Variants in PCYT1B observed in about 807,000 individuals in gnomAD.
PCYT1B encodes the protein choline-phosphate cytidylyltransferase B.
A neutral mutation model predicts 26.4 loss-of-function variants in PCYT1B; 10 were observed. That is an observed-to-expected ratio of 0.38 (90% CI 0.23 to 0.64). PCYT1B has a LOEUF of 0.64. PCYT1B is among the 30% of genes least tolerant of loss of function. The probability of loss-of-function intolerance (pLI) is 0.56; values close to 1 mark genes in which losing one functional copy is unlikely to be tolerated. For synonymous variants in PCYT1B, 131 were observed against 108.4 expected (o/e 1.21, Z -1.29); for missense variants, 161 against 292.7 (o/e 0.55, Z 3.28).
At position 24,663,905 on chromosome X, in the gene PCYT1B, C is replaced by T. The variant is rs151049935; in HGVS notation, c.63+8665G>A. Among the ~76,000 whole-genome samples, 157 of 109,252 alleles carry T rather than the reference C, an allele frequency of 1.4e-3. 1 individual carries two copies. The highest frequency in any genetic ancestry group is 2.3e-3 in the Non-Finnish European group (124 of 52,882). The allele number at this position is 109,252 out of a possible 115,157, so 94.9% of individuals were successfully genotyped here. A position where few individuals can be genotyped will look rare whatever the true frequency, so the allele number is the denominator to read the frequency against. On this transcript the variant is annotated intron_variant, in intron 1 of 7. Transcript: ENST00000379145. ...CTGCACTCCAGCCTGGGTGACAGAG[C>T]GAGATTCCGTCTCAAAAACAAAACA...
At chrX:24,671,108 C>T (rs1276032888) in intron 1 of PCYT1B, among the ~76,000 whole-genome samples, 1 of 110,272 alleles carries the variant, frequency 9.1e-6, no homozygotes, top group Non-Finnish European at 1.9e-5. Flanking sequence ...GCTGGGATTA[C>T]AGGTGCCCAC....
intron 5 of PCYT1B, among the ~76,000 whole-genome samples, chrX:24,585,847 T>C (rs1924354580): frequency 2.7e-5 from 3 of 110,885 alleles, no homozygotes; most frequent in Admixed American, 1.9e-4. Context: ...AAACCACTTA[T>C]GGCCCCCCAG....
intron 7 of PCYT1B, among the ~76,000 whole-genome samples, chrX:24,567,669 G>A (rs1419519317): frequency 9.0e-6 from 1 of 111,662 alleles, no homozygotes; most frequent in Non-Finnish European, 1.9e-5. Flanking sequence ...ACTTAACATC[G>A]GCCGGGTGCG....
rs1555958090 is a variant in PCYT1B at position 24,593,441 on chromosome X, C to CTTTTCTTTTCT, written c.335-3268_335-3267insAGAAAAGAAAA. On this transcript the variant is annotated intron_variant, in intron 3 of 7. Coordinates refer to ENST00000379144, the MANE Select transcript of PCYT1B (RefSeq NM_004845.5). ...CTCTCTTTCTTTCTTTCCTTTCTTT[C>CTTTTCTTTTCT]TTTCTTTTCTTTTCTTTTCTTTTCT... Among the ~76,000 whole-genome samples the CTTTTCTTTTCT allele has an allele frequency of 1.0e-3, 59 of 56,746 alleles. 1 individual carries two copies. The highest frequency in any genetic ancestry group is 2.3e-3 in the South Asian group (2 of 878). The allele number at this position is 56,746 out of a possible 115,157, so 49.3% of individuals were successfully genotyped here.
chrX:24,646,241 T>C (rs1423939761), intron 1 of PCYT1B, among the ~76,000 whole-genome samples: 1 of 111,051 alleles, frequency 9.0e-6, no homozygotes, highest in Non-Finnish European at 1.9e-5. Flanking sequence ...TGACCAGGGA[T>C]AGAGAGACGA....
chrX:24,594,768 T>G (rs762168658), intron 3 of PCYT1B, among the ~76,000 whole-genome samples: 1 of 111,717 alleles, frequency 9.0e-6, no homozygotes, highest in Non-Finnish European at 1.9e-5. Flanking sequence ...GGCAGCGGTA[T>G]TCCATGGATG....
rs1443398877 is a variant in PCYT1B at position 24,560,094 on chromosome X, A to G, written c.*2199T>C. ...AAATGTATAGTCAGCCTGATACACT[A>G]TTTGCTCCAGAGTATAAGATTCAGG... is the stretch of plus-strand genomic sequence containing the variant. On this transcript the variant is annotated 3_prime_UTR_variant, in exon 8 of 8. Coordinates refer to ENST00000379144, the MANE Select transcript of PCYT1B (RefSeq NM_004845.5). The G allele has an allele frequency of 8.9e-6, 1 of 111,994 alleles. No individual in the cohort carries two copies. The highest frequency in any genetic ancestry group is 2.8e-4 in the East Asian group (1 of 3,558). The allele number at this position is 111,994 out of a possible 1,213,427, so 9.2% of individuals were successfully genotyped here. A position where few individuals can be genotyped will look rare whatever the true frequency, so the allele number is the denominator to read the frequency against.
At chrX:24,613,389 A>AG (rs1925369791) in intron 2 of PCYT1B, among the ~76,000 whole-genome samples, 1 of 112,029 alleles carries the variant, frequency 8.9e-6, no homozygotes, top group Non-Finnish European at 1.9e-5. Context: ...ATCATTAGCC[A>AG]TTGCTACTAG....
chrX:24,610,052 C>T (rs1193483996), intron 2 of PCYT1B, among the ~76,000 whole-genome samples: 1 of 111,241 alleles, frequency 9.0e-6, no homozygotes. Context: ...GATTGCGCCA[C>T]TGCACTCCAG....
chrX:24,629,580 A>AAC (rs1569252089), intron 1 of PCYT1B, among the ~76,000 whole-genome samples: 1 of 100,133 alleles, frequency 1.0e-5, no homozygotes, highest in East Asian at 3.0e-4. Flanking sequence ...AAAAAAAAAA[A>AAC]AAAAAAAAAA....
At chrX:24,629,563 A>AAAC (rs1925986567) in intron 1 of PCYT1B, among the ~76,000 whole-genome samples, 1 of 92,318 alleles carries the variant, frequency 1.1e-5, no homozygotes, top group Non-Finnish European at 2.1e-5. Flanking sequence ...CTGTCTCAAA[A>AAAC]AAAAAAAAAA....
At chrX:24,564,533 T>C (rs1399065610) in intron 7 of PCYT1B, among the ~76,000 whole-genome samples, 1 of 110,120 alleles carries the variant, frequency 9.1e-6, no homozygotes, top group Non-Finnish European at 1.9e-5. Context: ...TTTGTATTTT[T>C]AGTAGAGACG....
chrX:24,562,546 A>G (rs1250752631), intron 7 of PCYT1B, 41 bp from the exon 8 acceptor site: 2 of 1,123,426 alleles, frequency 1.8e-6, no homozygotes, highest in South Asian at 1.9e-5. Context: ...TAACTTTGCA[A>G]TCTGAGGCAG....
Position 24,642,367 on chromosome X carries a change from T to C in PCYT1B, c.117+4622A>G, listed in dbSNP as rs774498121. Among the ~76,000 whole-genome samples the C allele has an allele frequency of 1.1e-4, 12 of 112,654 alleles. No homozygotes were observed. In the South Asian group the frequency reaches 2.6e-3, roughly 24 times the overall value. On this transcript the variant is annotated intron_variant, in intron 1 of 7. Coordinates refer to ENST00000379144, the MANE Select transcript of PCYT1B (RefSeq NM_004845.5). ...TCTTCCAAAACTCTGCATTGCTAAATACTTTAAATCTTCCTCACTGCCTGA... is the reference window on the plus strand; with the variant it reads ...TCTTCCAAAACTCTGCATTGCTAAACACTTTAAATCTTCCTCACTGCCTGA...
intron 1 of PCYT1B, among the ~76,000 whole-genome samples, chrX:24,663,760 A>C (rs893173777): frequency 9.0e-6 from 1 of 110,823 alleles, no homozygotes; most frequent in Non-Finnish European, 1.9e-5. Context: ...TGTACTAAAA[A>C]CACAAAAACT....
chrX:24,651,752 C>T (rs1373034718), upstream of PCYT1B, among the ~76,000 whole-genome samples: 7 of 106,750 alleles, frequency 6.6e-5, no homozygotes, highest in Non-Finnish European at 1.2e-4. Context: ...TGAGCTCAAG[C>T]GATCTGCCTG....
At chrX:24,609,155 T>TTTTTTG (rs1227348076) in intron 2 of PCYT1B, among the ~76,000 whole-genome samples, 16 of 111,312 alleles carry the variant, frequency 1.4e-4, no homozygotes, top group African/African-American at 3.9e-4. Flanking sequence ...CACAATAGTG[T>TTTTTTG]TTTTTGTTTT....
Position 24,558,276 on chromosome X carries a change from G to T in PCYT1B, c.*4017C>A, listed in dbSNP as rs1923238925. ...TCGTGCTTTAACCCAGACAGGTCTT[G>T]TCTTATATGTACAGCATAGTCTTAA... On this transcript the variant is annotated 3_prime_UTR_variant, in exon 8 of 8. Transcript: ENST00000379144. 1 of 112,109 alleles carries T rather than the reference G, an allele frequency of 8.9e-6. No homozygotes were observed. The highest frequency in any genetic ancestry group is 9.5e-5 in the Admixed American group (1 of 10,524). The allele number at this position is 112,109 out of a possible 1,213,427, so 9.2% of individuals were successfully genotyped here.
chrX:24,604,779 T>C (rs1925072354), intron 3 of PCYT1B, among the ~76,000 whole-genome samples: 1 of 111,766 alleles, frequency 8.9e-6, no homozygotes, highest in South Asian at 3.7e-4. Flanking sequence ...TATAGCTTGA[T>C]GCTGTATTGT....
Sources: allele counts gnomAD v4.1 joint callset (sites outside exome capture counted in the v4.1 genomes callset), GRCh38; gene constraint gnomAD v4.1.1; transcripts MANE v1.5; gene names NCBI Gene and HGNC (gene_info 2026-07-23, HGNC 2026-07-21).